PCDH7: variants seen among roughly 807,000 people sequenced by gnomAD.
PCDH7 encodes protocadherin-7.
A neutral mutation model predicts 58.9 loss-of-function variants in PCDH7; 17 were observed. That is an observed-to-expected ratio of 0.29 (90% CI 0.20 to 0.43). The LOEUF (loss-of-function observed/expected upper bound fraction) is 0.43. Ranked by LOEUF, PCDH7 falls within the 20% of genes least tolerant of loss-of-function variation. The pLI is 1.00. For synonymous variants in PCDH7, 664 were observed against 616.4 expected, an observed-to-expected ratio of 1.08 and a Z score of -1.14; for missense variants, 1,274 against 1,441.0, an observed-to-expected ratio of 0.88 and a Z score of 1.88.
At chr4:31,035,834 C>G (rs1755366039) in intron 3 of PCDH7, among the ~76,000 whole-genome samples, 1 of 152,134 alleles carries the variant, frequency 6.6e-6, no homozygotes, top group Non-Finnish European at 1.5e-5. Flanking sequence ...TCTTGGCTTT[C>G]AAATGATTTC....
chr4:30,786,917 C>A, intron 1 of PCDH7: 2 of 200,018 alleles, frequency 1.0e-5, no homozygotes, highest in Non-Finnish European at 1.8e-5. Flanking sequence ...TAAAATGAAG[C>A]TTTGAGTTTG....
intron 2 of PCDH7, among the ~76,000 whole-genome samples, chr4:30,934,089 C>T (rs571210950): frequency 6.6e-6 from 1 of 152,318 alleles, no homozygotes; most frequent in South Asian, 2.1e-4. Flanking sequence ...TTTTGAGAGG[C>T]ATTTCTAGTT....
At chr4:31,070,210 A>G (rs1459017849) in intron 3 of PCDH7, among the ~76,000 whole-genome samples, 1 of 152,092 alleles carries the variant, frequency 6.6e-6, no homozygotes, top group Non-Finnish European at 1.5e-5. Flanking sequence ...TCCACCTTAG[A>G]TATTCTCAAA....
intron 3 of PCDH7, among the ~76,000 whole-genome samples, chr4:30,967,396 G>A (rs983621389): frequency 1.3e-5 from 2 of 152,078 alleles, no homozygotes; most frequent in African/African-American, 4.8e-5. Flanking sequence ...AATTCTCGTG[G>A]TTGATATTAT....
At chr4:31,116,181 T>C (rs1716960022) in intron 3 of PCDH7, among the ~76,000 whole-genome samples, 1 of 152,172 alleles carries the variant, frequency 6.6e-6, no homozygotes, top group South Asian at 2.1e-4. Context: ...TCAAAATACA[T>C]TGAAGCATCT....
chr4:31,082,974 G>A (rs191274422), intron 3 of PCDH7, among the ~76,000 whole-genome samples: 4,065 of 152,176 alleles, frequency 0.027, 161 homozygotes, highest in African/African-American at 0.09. Context: ...TGGGTGTGGT[G>A]GTGGGCACCT....
rs537626640 is a variant in PCDH7, at chr4:31,086,179, T to C, written c.*8-56294T>C. On this transcript the variant is annotated intron_variant, in intron 3 of 3. Coordinates refer to the PCDH7 transcript ENST00000509759. The stretch of plus-strand genomic sequence containing the variant: ...AAATAAGATTTGAGTTCCTCCTTTA[T>C]GTGAAGCCTATACTGTCTCACCACT... Among the ~76,000 whole-genome samples the C allele has an allele frequency of 1.7e-4, 26 of 152,328 alleles. No homozygotes were observed. The South Asian group carries it at 4.8e-3, about 28-fold the overall frequency.
intron 3 of PCDH7, among the ~76,000 whole-genome samples, chr4:30,972,012 A>G (rs1749633421): frequency 6.6e-6 from 1 of 152,206 alleles, no homozygotes; most frequent in South Asian, 2.1e-4. Context: ...AGGTCATCTG[A>G]GCAGTAAAAT....
At chr4:30,878,796 G>A (rs1357062538) in intron 1 of PCDH7, among the ~76,000 whole-genome samples, 1 of 152,114 alleles carries the variant, frequency 6.6e-6, no homozygotes, top group Non-Finnish European at 1.5e-5. Context: ...GTTGCAGTGA[G>A]CTGAGATTGT....
chr4:30,743,441 A>G (rs1226005207), intron 1 of PCDH7, among the ~76,000 whole-genome samples: 1 of 151,960 alleles, frequency 6.6e-6, no homozygotes, highest in African/African-American at 2.4e-5. Flanking sequence ...TTTCTTTTTT[A>G]TCACTTAAGC....
At chr4:31,103,324 A>ATTTCT (rs949208181) in intron 3 of PCDH7, among the ~76,000 whole-genome samples, 61 of 151,652 alleles carry the variant, frequency 4.0e-4, no homozygotes, top group African/African-American at 1.4e-3. Context: ...AATTTTCCCA[A>ATTTCT]TTTCTTTTCT....
At chr4:31,023,630 CTA>C (rs1345553259) in intron 3 of PCDH7, among the ~76,000 whole-genome samples, 4 of 152,134 alleles carry the variant, frequency 2.6e-5, no homozygotes, top group African/African-American at 9.7e-5. Flanking sequence ...TCTGACATGA[CTA>C]TTCATTTCGC....
At position 31,051,598 on chromosome 4, in the gene PCDH7, A is replaced by C. The variant is rs184051558; in HGVS notation, c.*8-90875A>C. Among the ~76,000 whole-genome samples the C allele has an allele frequency of 6.9e-3, 982 of 142,006 alleles. 11 individuals are homozygous for C. The highest frequency in any genetic ancestry group is 0.024 in the African/African-American group (933 of 38,426). 93.2% of individuals were successfully genotyped at this position (142,006 alleles called of 152,430 possible). A position where few individuals can be genotyped will look rare whatever the true frequency, so the allele number is the denominator to read the frequency against. ...TTCTATTTCTTTATTCGGATATTAA[A>C]ACCCTTAAATAATGCCCTTTGTTTT... On this transcript the variant is annotated intron_variant, in intron 3 of 3. Transcript: ENST00000509759.
At chr4:31,128,383 T>A (rs1368907708) in intron 3 of PCDH7, among the ~76,000 whole-genome samples, 1 of 152,114 alleles carries the variant, frequency 6.6e-6, no homozygotes, top group African/African-American at 2.4e-5. Flanking sequence ...CTGTATTAGG[T>A]TGGCACATTG....
Position 30,722,370 on chromosome 4 carries a change from C to T in PCDH7, c.948C>T (p.Asp316=). The T allele has an allele frequency of 6.2e-7, 1 of 1,612,564 alleles. No homozygotes were observed. Among genetic ancestry groups the T allele is most frequent in the South Asian group, 1.1e-5 (1 of 91,060 alleles). ...TCGAGAAGAGCGTGTACGAGGCCGA[C>T]TTGGCTGAGAACAGCGCCCCGGGGA... Residue 316 remains aspartate, a synonymous_variant, in exon 1 of 2, where the codon GAC becomes GAT. Transcript: ENST00000361762. This position sits in a 1 kb window ranked among gnomAD's most constrained non-coding sequence, Gnocchi z 7.6.
At chr4:30,737,724 A>G (rs1716504405), downstream of PCDH7, among the ~76,000 whole-genome samples, 1 of 152,186 alleles carries the variant, frequency 6.6e-6, no homozygotes, top group Non-Finnish European at 1.5e-5. Context: ...TGCTGTTGAC[A>G]TGTCCCTGGT....
intron 3 of PCDH7, among the ~76,000 whole-genome samples, chr4:30,953,378 G>GC (rs1307693348): frequency 6.6e-6 from 1 of 151,520 alleles, no homozygotes; most frequent in East Asian, 1.9e-4. Flanking sequence ...TTGGTTTATA[G>GC]CCCCAGTCTT....
intron 3 of PCDH7, among the ~76,000 whole-genome samples, chr4:30,962,420 G>A (rs571337857): frequency 2.6e-4 from 39 of 152,082 alleles, no homozygotes; most frequent in Non-Finnish European, 4.0e-4. Context: ...AAGCCTATGT[G>A]TACTGTGTAT....
At chr4:30,852,116 G>A (rs575818358) in intron 1 of PCDH7, among the ~76,000 whole-genome samples, 2 of 152,128 alleles carry the variant, frequency 1.3e-5, no homozygotes, top group South Asian at 4.1e-4. Flanking sequence ...TATGTAAGAA[G>A]GATTGTAATA....
Sources: allele counts gnomAD v4.1 joint callset (sites outside exome capture counted in the v4.1 genomes callset), GRCh38; gene constraint gnomAD v4.1.1; non-coding constraint Gnocchi (gnomAD v3.1); transcripts MANE v1.5; gene names NCBI Gene and HGNC (gene_info 2026-07-23, HGNC 2026-07-21).